Variants in KIF15 observed in about 807,000 individuals in gnomAD.
KIF15 encodes the protein kinesin-like protein KIF15.
In KIF15, 140 loss-of-function variants were observed where a neutral mutation model predicts 190.6. The ratio of observed to expected loss-of-function variants is 0.73; its 90% confidence interval spans 0.64 to 0.84. The LOEUF (loss-of-function observed/expected upper bound fraction) is 0.84. Among genes scored for constraint, KIF15 ranks in the 40% least tolerant of loss-of-function variants. KIF15 has a pLI of 0.00. For missense variants in KIF15, 1,372 were observed against 1,584.4 expected (o/e 0.87, Z 2.28); for synonymous variants, 528 against 551.3 (o/e 0.96, Z 0.59).
intron 7 of KIF15, among the ~76,000 whole-genome samples, chr3:44,789,653 T>C (rs1706581101): frequency 1.5e-4 from 1 of 6,734 alleles, no homozygotes; most frequent in African/African-American, 3.6e-4. Context: ...TATATATATA[T>C]ATATATATAT....
chr3:44,852,602 C>T, intron 34 of KIF15, 71 bp from the exon 35 acceptor site: 4 of 1,142,758 alleles, frequency 3.5e-6, no homozygotes, highest in Non-Finnish European at 4.9e-6. Flanking sequence ...CTAATAAATG[C>T]AAAAAAAAAC....
At chr3:44,852,641 T>G in intron 34 of KIF15, 32 bp from the exon 35 acceptor site, 1 of 1,507,394 alleles carries the variant, frequency 6.6e-7, no homozygotes, top group Non-Finnish European at 9.0e-7. Flanking sequence ...GAGCCTTATT[T>G]TTTTTCTTTT....
In KIF15 at chr3:44,763,751, A is replaced by G. The variant is rs557564175; in HGVS notation, c.19+1867A>G. Among the ~76,000 whole-genome samples the G allele has an allele frequency of 2.8e-4, 42 of 150,442 alleles. No individual in the cohort carries two copies. In the South Asian group the frequency reaches 3.8e-3, roughly 14 times the overall value. On this transcript the variant is annotated intron_variant, in intron 1 of 34. Coordinates refer to ENST00000326047, the MANE Select transcript of KIF15 (RefSeq NM_020242.3). ...CAGGCTGGCTGGAGTGCAGTGACGC[A>G]ATCTTGGCTCACTGCAATCTCCACC...
intron 1 of KIF15, among the ~76,000 whole-genome samples, chr3:44,763,268 G>A (rs1705226350): frequency 6.6e-6 from 1 of 152,174 alleles, no homozygotes; most frequent in South Asian, 2.1e-4. Flanking sequence ...AGTGGTCTTT[G>A]CAACTTTTAC....
At chr3:44,835,160 A>C (rs978610154) in intron 26 of KIF15, among the ~76,000 whole-genome samples, 1 of 152,192 alleles carries the variant, frequency 6.6e-6, no homozygotes, top group Non-Finnish European at 1.5e-5. Flanking sequence ...CAATAAAAGG[A>C]TCTAAAGGGA....
At chr3:44,819,997 T>C (rs1708190568) in intron 20 of KIF15, among the ~76,000 whole-genome samples, 1 of 152,252 alleles carries the variant, frequency 6.6e-6, no homozygotes, top group African/African-American at 2.4e-5. Context: ...TATCATTATG[T>C]AATGGCCTTC....
intron 24 of KIF15, among the ~76,000 whole-genome samples, chr3:44,828,748 ATAT>A (rs1697811349): frequency 6.6e-6 from 1 of 152,240 alleles, no homozygotes; most frequent in Non-Finnish European, 1.5e-5. Context: ...ATTAAATGAA[ATAT>A]TATAGACTGG....
chr3:44,832,004 A>T (rs77114169), intron 26 of KIF15, among the ~76,000 whole-genome samples: 2,841 of 152,304 alleles, frequency 0.019, 75 homozygotes, highest in African/African-American at 0.064. Flanking sequence ...GAATGGAAAG[A>T]TGATTGAAAA....
At chr3:44,862,185 G>A (rs1699263549) in intron 6 of KIF15, 1 of 1,028,158 alleles carries the variant, frequency 9.7e-7, no homozygotes, top group Non-Finnish European at 1.2e-6. Flanking sequence ...GGCGGAGGAG[G>A]GGCGCTGCGG....
rs1361391333 is a variant in KIF15, at chr3:44,808,606, TTTTA to T, written c.1972-2239_1972-2236del. On this transcript the variant is annotated intron_variant, in intron 16 of 34. Coordinates refer to ENST00000326047, the MANE Select transcript of KIF15 (RefSeq NM_020242.3). ...TGTATTGTTTTGCTTTTTTTTTTTT[TTTTA>T]AAAAAAAACGGTCATTCTTCATGTG... Among the ~76,000 whole-genome samples the T allele has an allele frequency of 2.6e-5, 4 of 151,658 alleles. No homozygotes were observed. In the East Asian group the frequency reaches 7.7e-4, roughly 29 times the overall value.
intron 15 of KIF15, 106 bp downstream of exon 15, chr3:44,805,274 C>T (rs1261073851): frequency 1.8e-6 from 2 of 1,090,120 alleles, no homozygotes; most frequent in Non-Finnish European, 2.6e-6. Flanking sequence ...AAATATTAAA[C>T]TCTCATAGCA....
chr3:44,849,747 C>T (rs2125730237), intron 32 of KIF15, among the ~76,000 whole-genome samples: 1 of 152,196 alleles, frequency 6.6e-6, no homozygotes. Context: ...TACATACACA[C>T]ACACAAATTG....
At chr3:44,806,942 C>A (rs1386386252) in intron 16 of KIF15, among the ~76,000 whole-genome samples, 1 of 151,892 alleles carries the variant, frequency 6.6e-6, no homozygotes, top group Non-Finnish European at 1.5e-5. Context: ...GATGGGGTTT[C>A]GCCATGTTGG....
intron 17 of KIF15, among the ~76,000 whole-genome samples, chr3:44,811,967 G>T (rs1707804883): frequency 6.6e-6 from 1 of 152,114 alleles, no homozygotes; most frequent in South Asian, 2.1e-4. Context: ...TACTTTAATG[G>T]ACCACAAGTG....
rs934386581 is a variant in KIF15, at chr3:44,775,368, C to T, written c.177C>T (p.Leu59=). ...TATCTGTGCTGTCCTCCACGAGTCT[C>T]CGGCTGCACTCCAACCCTGAGCCCA... ...LCLSVLSSTS[L]RLHSNPEPKT... is the part of the protein sequence containing the mutation. Residue 59 remains leucine, a synonymous_variant, in exon 3 of 35, where the codon CTC becomes CTT. Coordinates refer to ENST00000326047, the MANE Select transcript of KIF15 (RefSeq NM_020242.3). 6 of 1,614,006 alleles carry T rather than the reference C, an allele frequency of 3.7e-6. No homozygotes were observed. Among genetic ancestry groups the T allele is most frequent in the Non-Finnish European group, 5.1e-6 (6 of 1,179,956 alleles).
chr3:44,771,564 G>A (rs1291581167), intron 1 of KIF15, among the ~76,000 whole-genome samples: 6 of 152,074 alleles, frequency 3.9e-5, no homozygotes, highest in African/African-American at 1.4e-4. Flanking sequence ...TTTGATTTTG[G>A]GAAGCCTGTT....
Position 44,798,034 on chromosome 3 carries a change from C to G in KIF15, c.1098+78C>G, listed in dbSNP as rs967877082. 5.6e-6 allele frequency: 7 copies of G among 1,249,070 alleles called. No individual in the cohort carries two copies. The African/African-American group carries it at 1.1e-4, about 19-fold the overall frequency. 77.4% of individuals were successfully genotyped at this position (1,249,070 alleles called of 1,614,324 possible). On this transcript the variant is annotated intron_variant, in intron 10 of 34. Coordinates refer to ENST00000326047, the MANE Select transcript of KIF15 (RefSeq NM_020242.3). ...ACAGTATGCCATTTTTGTGATTGCC[C>G]TAATATTAACATTAACTTTTATTTA...
At chr3:44,813,035 C>A in intron 18 of KIF15, 40 bp from the exon 19 acceptor site, 1 of 1,197,468 alleles carries the variant, frequency 8.4e-7, no homozygotes, top group Non-Finnish European at 1.2e-6. Context: ...CTTAGCATGC[C>A]AGTATTCCTT....
intron 33 of KIF15, 117 bp from the exon 34 acceptor site, chr3:44,852,091 G>T (rs2052668979): frequency 1.4e-6 from 2 of 1,438,960 alleles, no homozygotes; most frequent in East Asian, 4.7e-5. Flanking sequence ...GGCCTTGAAA[G>T]CTGGGATTCT....
Sources: allele counts gnomAD v4.1 joint callset (sites outside exome capture counted in the v4.1 genomes callset), GRCh38; gene constraint gnomAD v4.1.1; transcripts MANE v1.5; gene names NCBI Gene and HGNC (gene_info 2026-07-23, HGNC 2026-07-21).